Variants in ERBB3 observed in about 807,000 individuals in gnomAD.
The protein encoded by ERBB3 is erb-b2 receptor tyrosine kinase 3, also known as receptor tyrosine-protein kinase erbB-3.
A neutral mutation model predicts 156.7 loss-of-function variants in ERBB3; 96 were observed. The ratio of observed to expected loss-of-function variants is 0.61; its 90% CI spans 0.52 to 0.73. The LOEUF (loss-of-function observed/expected upper bound fraction) is 0.73, where lower values mean the gene tolerates loss of function less well. Ranked by LOEUF, ERBB3 falls within the 30% of genes least tolerant of loss-of-function variation. ERBB3 has a pLI of 0.00. For missense variants in ERBB3, 1,406 were observed against 1,709.4 expected (o/e 0.82, Z 3.13); for synonymous variants, 567 against 632.0 (o/e 0.90, Z 1.54).
Position 56,099,527 on chromosome 12 carries a change from G to A in ERBB3, c.2840-121G>A, listed in dbSNP as rs189445979. On this transcript the variant is annotated intron_variant, in intron 23 of 27. Transcript: ENST00000267101. ...TTGGCCAGGCTGGTCTCAAAGTCCC[G>A]ACCTCAGGTGATCCACCCGCCTTGG... is the stretch of plus-strand genomic sequence containing the variant. 6.2e-4 allele frequency: 499 copies of A among 805,818 alleles called. 3 individuals carry two copies. In the African/African-American group the frequency reaches 7.0e-3, roughly 11 times the overall value. The allele number at this position is 805,818 out of a possible 1,614,324, so 49.9% of individuals were successfully genotyped here. A position where few individuals can be genotyped will look rare whatever the true frequency, so the allele number is the denominator to read the frequency against.
At chr12:56,099,251 C>T (rs1172457879) in intron 23 of ERBB3, among the ~76,000 whole-genome samples, 2 of 151,134 alleles carry the variant, frequency 1.3e-5, no homozygotes, top group African/African-American at 4.9e-5. Flanking sequence ...CCATCATGCT[C>T]GGCCTGACTG....
chr12:56,085,549 A>T, intron 3 of ERBB3: 1 of 714,116 alleles, frequency 1.4e-6, no homozygotes, highest in Non-Finnish European at 2.0e-6. Context: ...GTTTGAGACC[A>T]GCCTGGCCAA....
chr12:56,083,372 T>A, intron 1 of ERBB3: 1 of 351,604 alleles, frequency 2.8e-6, no homozygotes, highest in East Asian at 7.3e-5. Flanking sequence ...GTGAGTGCCC[T>A]AGTTGGAGGG....
chr12:56,094,307 G>A lies in ERBB3; in HGVS notation c.1705-95G>A. On this transcript the variant is annotated intron_variant, in intron 14 of 27. Transcript: ENST00000267101. Reference sequence around the variant, plus strand: ...AGGCCAGATAATGCTAGGGCCTGCAGATAGAAGATCCTGAATGTCTGGGTT... The same window carrying A: ...AGGCCAGATAATGCTAGGGCCTGCAAATAGAAGATCCTGAATGTCTGGGTT... 3.3e-6 allele frequency: 5 copies of A among 1,511,216 alleles called. No homozygotes were observed. The Admixed American group carries it at 5.0e-5, about 15-fold the overall frequency. 93.6% of individuals were successfully genotyped at this position (1,511,216 alleles called of 1,614,324 possible). A position where few individuals can be genotyped will look rare whatever the true frequency, so the allele number is the denominator to read the frequency against.
Position 56,101,783 on chromosome 12 carries a change from G to A in ERBB3, c.3757G>A (p.Gly1253Ser), listed in dbSNP as rs1869115858. ...LHPVPIMPTAGTTPDEDYEYM... is the reference protein window; with the variant it reads ...LHPVPIMPTASTTPDEDYEYM... ...CCCTGTACCCATCATGCCCACTGCA[G>A]GCACAACTCCAGATGAAGACTATGA... is the stretch of plus-strand genomic sequence containing the variant. Residue 1253 changes from glycine to serine, a missense_variant, in exon 28 of 28, where the codon GGC becomes AGC. Physicochemically the swap from Gly to Ser is moderately conservative, Grantham distance 56 (BLOSUM62 0). Transcript: ENST00000267101. 1.9e-6 allele frequency: 3 copies of A among 1,613,542 alleles called. No individual in the cohort carries two copies. Among genetic ancestry groups the A allele is most frequent in the Non-Finnish European group, 2.5e-6 (3 of 1,179,944 alleles).
rs754287711 is a variant in ERBB3, at chr12:56,093,560, A to G, written c.1480+10A>G. The G allele has an allele frequency of 1.2e-6, 2 of 1,607,780 alleles. No individual in the cohort carries two copies. Among genetic ancestry groups the G allele is most frequent in the African/African-American group, 1.3e-5 (1 of 74,918 alleles). ...CCGCGCAGAGACTGCGGTGAGGGAA[A>G]GGGTCTGCTAGGTGGTGAGAATAGG... is the stretch of plus-strand genomic sequence containing the variant. On this transcript the variant is annotated intron_variant, in intron 12 of 27. Coordinates refer to ENST00000267101, the MANE Select transcript of ERBB3 (RefSeq NM_001982.4).
chr12:56,090,354 G>A (rs1029318894), intron 9 of ERBB3, among the ~76,000 whole-genome samples: 7 of 152,160 alleles, frequency 4.6e-5, no homozygotes, highest in African/African-American at 1.4e-4. Context: ...ACATATGGCC[G>A]GGCACAGTGG....
chr12:56,083,903 G>A lies in ERBB3; in HGVS notation c.234+1G>A. 2.5e-6 allele frequency: 4 copies of A among 1,613,978 alleles called. No homozygotes were observed. Among genetic ancestry groups the A allele is most frequent in the Non-Finnish European group, 3.4e-6 (4 of 1,179,922 alleles). ...CAATGCCGACCTCTCCTTCCTGCAG[G>A]TTAGTGAGCCCACCCTCCTTCCTCA... On this transcript the variant is annotated splice_donor_variant, in intron 2 of 27. Transcript: ENST00000267101. LOFTEE classifies it high-confidence loss of function.
In ERBB3 at chr12:56,101,731, G is replaced by T; in HGVS notation, c.3705G>T (p.Leu1235=). The change falls in exon 28 of 28, where the codon CTG becomes CTT. Residue 1235 remains leucine (L), a synonymous_variant. Coordinates refer to ENST00000267101, the MANE Select transcript of ERBB3 (RefSeq NM_001982.4). ...TGGGGTCAGACCTCAGTGCCTCTCT[G>T]GGCAGCACACAGAGTTGCCCACTCC... The part of the protein sequence containing the change: ...MDVGSDLSAS[L]GSTQSCPLHP... 2 of 1,613,846 alleles carry T rather than the reference G, an allele frequency of 1.2e-6. No individual in the cohort carries two copies. Among genetic ancestry groups the T allele is most frequent in the Non-Finnish European group, 1.7e-6 (2 of 1,179,970 alleles).
rs745487835 is a variant in ERBB3 at position 56,101,825 on chromosome 12, C to A, written c.3799C>A (p.Arg1267=). ...AGACTATGAATATATGAATCGGCAACGAGATGGAGGTGGTCCTGGGGGTGA... is the reference window on the plus strand; with the variant it reads ...AGACTATGAATATATGAATCGGCAAAGAGATGGAGGTGGTCCTGGGGGTGA... ...DEDYEYMNRQ[R]DGGGPGGDYA... is the part of the protein sequence containing the mutation. The change falls in exon 28 of 28, where the codon CGA becomes AGA. Residue 1267 remains arginine, a synonymous_variant. Transcript: ENST00000267101. The A allele has an allele frequency of 1.2e-6, 2 of 1,613,162 alleles. No individual in the cohort carries two copies. The highest frequency in any genetic ancestry group is 3.3e-5 in the Admixed American group (2 of 59,876).
At chr12:56,093,224 G>A (rs1376626827) in intron 11 of ERBB3, 121 bp from the exon 12 acceptor site, 4 of 1,165,948 alleles carry the variant, frequency 3.4e-6, no homozygotes, top group Non-Finnish European at 5.1e-6. Flanking sequence ...GGCAAAAGGA[G>A]GGGGATTCCC....
intron 24 of ERBB3, 45 bp from the exon 25 acceptor site, chr12:56,099,793 T>G (rs1869026080): frequency 6.2e-6 from 10 of 1,611,958 alleles, no homozygotes; most frequent in Non-Finnish European, 8.5e-6. Flanking sequence ...AAAGGAGGAG[T>G]TGGCTGGAAC....
At position 56,097,102 on chromosome 12, in the gene ERBB3, T is replaced by C. The variant is rs1394377817; in HGVS notation, c.2332T>C (p.Cys778Arg). ...CCACATTGTAAGGCTGCTGGGACTA[T>C]GCCCAGGGTCATCTCTGCAGCTTGT... Reference protein sequence around the residue: ...HAHIVRLLGLCPGSSLQLVTQ... With the variant: ...HAHIVRLLGLRPGSSLQLVTQ... The change falls in exon 20 of 28, where the codon TGC (cysteine) becomes CGC (arginine). Residue 778 changes from cysteine (C) to arginine (R), a missense_variant. By Grantham distance (180) the Cys-to-Arg change is radical (BLOSUM62 -3). Coordinates refer to ENST00000267101, the MANE Select transcript of ERBB3 (RefSeq NM_001982.4). The C allele has an allele frequency of 1.9e-6, 3 of 1,614,134 alleles. No individual in the cohort carries two copies. The Admixed American group carries it at 5.0e-5, about 27-fold the overall frequency.
In ERBB3 at chr12:56,080,167, A is replaced by T; in HGVS notation, c.-134A>T. 1 of 730,158 alleles carries T rather than the reference A, an allele frequency of 1.4e-6. No individual in the cohort carries two copies. 45.2% of individuals were successfully genotyped at this position (730,158 alleles called of 1,614,324 possible). A position where few individuals can be genotyped will look rare whatever the true frequency, so the allele number is the denominator to read the frequency against. Reference sequence around the variant, plus strand: ...GGACTCCGGCTCCGGCTCCGATTGCAATTTGCAACCTCCGCTGCCGTCGCC... The same window carrying T: ...GGACTCCGGCTCCGGCTCCGATTGCTATTTGCAACCTCCGCTGCCGTCGCC... On this transcript the variant is annotated 5_prime_UTR_variant, in exon 1 of 28. Coordinates refer to ENST00000267101, the MANE Select transcript of ERBB3 (RefSeq NM_001982.4).
chr12:56,083,205 G>A, intron 1 of ERBB3: 1 of 193,562 alleles, frequency 5.2e-6, no homozygotes, highest in South Asian at 1.0e-4. Flanking sequence ...CCCCCTCCTG[G>A]ATAGAATCGC....
chr12:56,087,730 A>T, intron 5 of ERBB3, 65 bp from the exon 6 acceptor site: 1 of 1,583,506 alleles, frequency 6.3e-7, no homozygotes. Flanking sequence ...TGGGGGAGGC[A>T]TGAGCAGTGG....
chr12:56,100,859 G>C (rs1220328113), intron 26 of ERBB3, among the ~76,000 whole-genome samples: 1 of 134,640 alleles, frequency 7.4e-6, no homozygotes, highest in South Asian at 2.6e-4. Context: ...AGAATCACTT[G>C]AACAGGGAAG....
intron 1 of ERBB3, among the ~76,000 whole-genome samples, chr12:56,082,894 A>C (rs1326638150): frequency 1.3e-5 from 2 of 152,164 alleles, no homozygotes; most frequent in African/African-American, 4.8e-5. Context: ...ATCTGCTACT[A>C]TCTCTCTCCA....
chr12:56,100,011 A>G lies in ERBB3; in HGVS notation c.3111A>G (p.Thr1037=). ...CCGCCCTCAGCCTACCAGTTGGAAC[A>G]CTTAATCGGCCACGTGGGGTAAGAC... ...LGSALSLPVG[T]LNRPRGSQSL... is the part of the protein sequence containing the mutation. The change falls in exon 25 of 28, where the codon ACA becomes ACG. Residue 1037 remains threonine, a synonymous_variant. Transcript: ENST00000267101. 6.2e-7 allele frequency: 1 copy of G among 1,614,240 alleles called. No homozygotes were observed. The highest frequency in any genetic ancestry group is 8.5e-7 in the Non-Finnish European group (1 of 1,180,036).
Sources: gnomAD v4.1 joint callset for allele counts (sites outside exome capture counted in the v4.1 genomes callset) on GRCh38, gnomAD v4.1.1 for gene constraint, MANE v1.5 for transcripts, NCBI Gene and HGNC (gene_info 2026-07-23, HGNC 2026-07-21) for gene names.